KDM6A: variants seen among roughly 807,000 people sequenced by gnomAD.
The protein encoded by KDM6A is lysine demethylase 6A.
A neutral mutation model predicts 117.6 loss-of-function variants in KDM6A; 11 were observed. The observed-to-expected ratio is 0.09, with a 90% CI of 0.06 to 0.15. The LOEUF is 0.15. Ranked by LOEUF, KDM6A falls within the 10% of genes least tolerant of loss-of-function variation. The pLI is 1.00. For missense variants in KDM6A, 799 were observed against 1,077.3 expected (o/e 0.74, Z 3.62); for synonymous variants, 384 against 396.1 (o/e 0.97, Z 0.36).
chrX:45,074,491 TC>T (rs2045022111), intron 18 of KDM6A, among the ~76,000 whole-genome samples: 1 of 112,016 alleles, frequency 8.9e-6, no homozygotes, highest in Non-Finnish European at 1.9e-5. Context: ...TACCATCAGT[TC>T]CTTCAGGGAA....
chrX:45,007,843 T>C (rs1389546023), intron 4 of KDM6A, among the ~76,000 whole-genome samples: 1 of 112,200 alleles, frequency 8.9e-6, no homozygotes, highest in Admixed American at 9.5e-5. Flanking sequence ...CTTGAGTAAA[T>C]TGCTTATTCT....
chrX:45,100,129 A>G (rs1233203689), intron 27 of KDM6A, among the ~76,000 whole-genome samples: 1 of 111,800 alleles, frequency 8.9e-6, no homozygotes, highest in Non-Finnish European at 1.9e-5. Flanking sequence ...CTCTTTGTAC[A>G]ATACTAAGAC....
At chrX:44,921,223 C>G (rs749537307) in intron 2 of KDM6A, among the ~76,000 whole-genome samples, 98 of 111,879 alleles carry the variant, frequency 8.8e-4, no homozygotes, top group Non-Finnish European at 1.5e-3. Flanking sequence ...ATAGTTGTAG[C>G]TTCATAGGAA....
In KDM6A at chrX:45,082,614, A is replaced by G; in HGVS notation, c.3339A>G (p.Ser1113=). The G allele has an allele frequency of 3.3e-6, 4 of 1,194,721 alleles. No individual in the cohort carries two copies. The highest frequency in any genetic ancestry group is 4.5e-6 in the Non-Finnish European group (4 of 880,903). ...AAAGAAGTCATCATAAAGACCACTC[A>G]GATAGTGAATCTACATCGTCAGATA... ...NEKRSHHKDH[S]DSESTSSDNS... is the part of the protein sequence containing the mutation. Residue 1113 remains serine (S), a synonymous_variant, in exon 22 of 30, where the codon TCA becomes TCG. Coordinates refer to ENST00000611820, the MANE Select transcript of KDM6A (RefSeq NM_001291415.2).
rs2046715815 is a variant in KDM6A, at chrX:45,110,231, C to G, written c.4314C>G (p.Val1438=). ...ACAAAATGGAGGACCTGATGCAAGT[C>G]TATGACCAATTTACATTAGTAAGTC... ...EQYKMEDLMQ[V]YDQFTLAPPL... The change falls in exon 29 of 30, where the codon GTC becomes GTG. Residue 1438 remains valine (V), a synonymous_variant. Coordinates refer to ENST00000611820, the MANE Select transcript of KDM6A (RefSeq NM_001291415.2). 1 of 1,207,590 alleles carries G rather than the reference C, an allele frequency of 8.3e-7. No homozygotes were observed.
chrX:45,103,939 AC>A (rs1157604993), intron 27 of KDM6A, among the ~76,000 whole-genome samples: 1 of 111,841 alleles, frequency 8.9e-6, no homozygotes, highest in Non-Finnish European at 1.9e-5. Flanking sequence ...TCTAAAGTAC[AC>A]GTATGCAAAA....
At chrX:44,879,749 C>G (rs1430317230) in intron 2 of KDM6A, among the ~76,000 whole-genome samples, 1 of 112,228 alleles carries the variant, frequency 8.9e-6, no homozygotes, top group Non-Finnish European at 1.9e-5. Context: ...GTAAATTTAA[C>G]AATTCACAAG....
intron 2 of KDM6A, among the ~76,000 whole-genome samples, chrX:44,930,035 G>T (rs2036538921): frequency 9.0e-6 from 1 of 110,844 alleles, no homozygotes; most frequent in Non-Finnish European, 1.9e-5. Flanking sequence ...TCCTCATTTT[G>T]GTTTTAATTT....
intron 2 of KDM6A, among the ~76,000 whole-genome samples, chrX:44,958,604 CTTTTTTTTTTTTTT>C (rs34006049): frequency 3.5e-5 from 2 of 56,441 alleles, no homozygotes; most frequent in Non-Finnish European, 5.7e-5. Context: ...CTATATAGAC[CTTTTTTTTTTTTTT>C]TTTTTTTTTT....
At chrX:44,939,924 ATTG>A (rs1280055866) in intron 2 of KDM6A, among the ~76,000 whole-genome samples, 4 of 112,574 alleles carry the variant, frequency 3.6e-5, no homozygotes, top group Admixed American at 2.8e-4. Context: ...ACTATTGAAT[ATTG>A]TTAACATAAT....
At chrX:44,912,244 T>C (rs2035249675) in intron 2 of KDM6A, among the ~76,000 whole-genome samples, 1 of 109,946 alleles carries the variant, frequency 9.1e-6, no homozygotes, top group South Asian at 3.9e-4. Flanking sequence ...CATGCCACCA[T>C]GCCCAGTCAG....
At chrX:44,981,997 C>T (rs766047588) in intron 4 of KDM6A, among the ~76,000 whole-genome samples, 3 of 111,979 alleles carry the variant, frequency 2.7e-5, no homozygotes, top group Admixed American at 9.5e-5. Flanking sequence ...GGCAGAGAAT[C>T]GCTTGAACCC....
At chrX:45,051,658 T>A in intron 8 of KDM6A, 51 bp from the exon 9 acceptor site, 1 of 696,336 alleles carries the variant, frequency 1.4e-6, no homozygotes, top group Non-Finnish European at 2.3e-6. Flanking sequence ...ATGAAGTAGT[T>A]CCTTAAAGAT....
Position 45,107,485 on chromosome X carries a change from A to G in KDM6A, c.4110A>G (p.Ile1370Met), listed in dbSNP as rs2148289097. The G allele has an allele frequency of 8.3e-7, 1 of 1,210,012 alleles. No individual in the cohort carries two copies. Residue 1370 changes from isoleucine to methionine, a missense_variant, in exon 28 of 30, where the codon ATA (isoleucine) becomes ATG (methionine). This residue lies in a region of KDM6A where 291 missense variants were observed against 437.9 expected (regional missense o/e 0.66). Coordinates refer to ENST00000611820, the MANE Select transcript of KDM6A (RefSeq NM_001291415.2). ...EALIAAGKEI[I>M]WHGRTKEEPA... Reference sequence around the variant, plus strand: ...TCATTGCTGCAGGAAAAGAGATTATATGGCATGGGCGGACAAAAGAAGAAC... The same window carrying G: ...TCATTGCTGCAGGAAAAGAGATTATGTGGCATGGGCGGACAAAAGAAGAAC...
chrX:45,041,347 A>T (rs1180558082), intron 8 of KDM6A, among the ~76,000 whole-genome samples: 1 of 88,092 alleles, frequency 1.1e-5, no homozygotes, highest in Admixed American at 1.2e-4. Context: ...GGCCGGGCAG[A>T]GGGGCTCCTC....
intron 2 of KDM6A, among the ~76,000 whole-genome samples, chrX:44,938,057 C>T (rs1029512201): frequency 3.6e-5 from 4 of 111,715 alleles, no homozygotes; most frequent in East Asian, 5.6e-4. Flanking sequence ...CTTACTGCAG[C>T]CTCAAGCTCC....
intron 4 of KDM6A, among the ~76,000 whole-genome samples, chrX:45,004,108 C>A (rs2041311447): frequency 9.0e-6 from 1 of 110,764 alleles, no homozygotes; most frequent in Non-Finnish European, 1.9e-5. Flanking sequence ...TTTCTTAGTT[C>A]AGGACATCCT....
intron 4 of KDM6A, among the ~76,000 whole-genome samples, chrX:44,988,825 T>G (rs890858350): frequency 7.2e-5 from 8 of 110,514 alleles, no homozygotes; most frequent in South Asian, 3.9e-4. Context: ...CCCTACTGGG[T>G]GGTGCCTCCC....
intron 2 of KDM6A, among the ~76,000 whole-genome samples, chrX:44,905,944 A>AT (rs1002496500): frequency 8.9e-5 from 10 of 111,778 alleles, no homozygotes; most frequent in Admixed American, 8.5e-4. Flanking sequence ...TGTGGCTATA[A>AT]TTTTTTTTCC....
Sources: gnomAD v4.1 joint callset for allele counts (sites outside exome capture counted in the v4.1 genomes callset) on GRCh38, gnomAD v4.1.1 for gene constraint, gnomAD v4.1.1 regional missense constraint, MANE v1.5 for transcripts, NCBI Gene and HGNC (gene_info 2026-07-23, HGNC 2026-07-21) for gene names.